CSMD2: variants seen among roughly 807,000 people sequenced by gnomAD.
The protein encoded by CSMD2 is CUB and sushi domain-containing protein 2.
In CSMD2, 130 loss-of-function variants were observed where a neutral mutation model predicts 398.5. The ratio of observed to expected loss-of-function variants is 0.33; its 90% CI spans 0.28 to 0.38. The LOEUF (loss-of-function observed/expected upper bound fraction) is 0.38, where lower values mean the gene tolerates loss of function less well. Among genes scored for constraint, CSMD2 ranks in the 10% least tolerant of loss-of-function variants. CSMD2 has a pLI of 1.00. For missense variants in CSMD2, 3,829 were observed against 4,764.9 expected, an observed-to-expected ratio of 0.80 and a Z score of 5.78; for synonymous variants, 1,828 against 1,908.5, an observed-to-expected ratio of 0.96 and a Z score of 1.10.
intron 2 of CSMD2, among the ~76,000 whole-genome samples, chr1:34,082,753 T>C (rs1657395811): frequency 6.6e-6 from 1 of 152,210 alleles, no homozygotes; most frequent in Non-Finnish European, 1.5e-5. Context: ...GGGATGCTGT[T>C]AATCTATAAC....
intron 5 of CSMD2, among the ~76,000 whole-genome samples, chr1:33,897,486 A>G (rs1283601886): frequency 6.6e-6 from 1 of 152,218 alleles, no homozygotes; most frequent in East Asian, 1.9e-4. Flanking sequence ...TTCCTGGGGT[A>G]AACAAGCTGC....
In CSMD2 at chr1:33,909,327, T is replaced by C. The variant is rs142057755; in HGVS notation, c.920+8767A>G. ...CCTGAGTTCTTCCCCTGTGGCTCCT[T>C]CTCAAAAGTCAGGTCTCAGCTTAAA... On this transcript the variant is annotated intron_variant, in intron 5 of 70. Coordinates refer to ENST00000373381, the MANE Select transcript of CSMD2 (RefSeq NM_001281956.2). 2.7e-4 allele frequency among the ~76,000 whole-genome samples: 41 copies of C among 152,210 alleles called. No individual in the cohort carries two copies. The Middle Eastern group carries it at 0.01, about 38-fold the overall frequency.
Position 33,854,755 on chromosome 1 carries a change from C to T in CSMD2, c.921-7759G>A, listed in dbSNP as rs145222737. Among the ~76,000 whole-genome samples the T allele has an allele frequency of 4.5e-3, 692 of 152,324 alleles. 6 individuals carry two copies. The highest frequency in any genetic ancestry group is 0.016 in the African/African-American group (664 of 41,568). ...TCAGCTAATTGTTAGCTCCAGGGAA[C>T]CCACAGAAACCACATCAGGTAAATG... On this transcript the variant is annotated intron_variant, in intron 5 of 70. Coordinates refer to ENST00000373381, the MANE Select transcript of CSMD2 (RefSeq NM_001281956.2).
chr1:34,018,388 T>A (rs925633259), intron 3 of CSMD2, among the ~76,000 whole-genome samples: 1 of 152,250 alleles, frequency 6.6e-6, no homozygotes, highest in African/African-American at 2.4e-5. Context: ...TCTGTTGAAT[T>A]ATTTCCTTAG....
At chr1:33,989,012 CCATATATATATATATA>C (rs1558209142) in intron 3 of CSMD2, among the ~76,000 whole-genome samples, 1 of 49,052 alleles carries the variant, frequency 2.0e-5, no homozygotes, top group East Asian at 4.4e-4. Flanking sequence ...CTCTCTCTCT[CCATATATATATATATA>C]TATATATATA....
At chr1:33,870,390 T>G (rs1640373851) in intron 5 of CSMD2, 1 of 152,148 alleles carries the variant, frequency 6.6e-6, no homozygotes. Flanking sequence ...GAGATAAAGC[T>G]TGGCCCAGGG....
At position 33,700,656 on chromosome 1, in the gene CSMD2, G is replaced by C. The variant is rs771309837; in HGVS notation, c.3594C>G (p.Asn1198Lys). ...AAACTCCCAGCAAACGGGCGGAGTTGTTGTTGCCATCATAAACCTGGACAC... is the reference window on the plus strand; with the variant it reads ...AAACTCCCAGCAAACGGGCGGAGTTCTTGTTGCCATCATAAACCTGGACAC... ...GDVLKVYDGN[N>K]NSARLLGVFS... is the part of the protein sequence containing the mutation. Residue 1198 changes from asparagine (N) to lysine (K), a missense_variant, in exon 23 of 71, where the codon AAC (asparagine) becomes AAG (lysine). Physicochemically the swap from Asn to Lys is moderately conservative, Grantham distance 94. This residue lies in a region of CSMD2 where 2,001 missense variants were observed against 2,567.1 expected (regional missense o/e 0.78). Transcript: ENST00000373381. The C allele has an allele frequency of 1.2e-6, 2 of 1,614,050 alleles. No homozygotes were observed. Among genetic ancestry groups the C allele is most frequent in the African/African-American group, 1.3e-5 (1 of 74,932 alleles).
In CSMD2 at chr1:34,018,506, C is replaced by T. The variant is rs190223373; in HGVS notation, c.517+14088G>A. Among the ~76,000 whole-genome samples the T allele has an allele frequency of 2.8e-4, 43 of 152,334 alleles. 1 individual carries two copies. Among genetic ancestry groups the T allele is most frequent in the Admixed American group, 2.4e-3 (36 of 15,300 alleles). On this transcript the variant is annotated intron_variant, in intron 3 of 70. Transcript: ENST00000373381. Reference sequence around the variant, plus strand: ...CCAAAGGACTAATTTACATCAGCACCAGCCATGTGCGAGTGTGTCTGTGTC... The same window carrying T: ...CCAAAGGACTAATTTACATCAGCACTAGCCATGTGCGAGTGTGTCTGTGTC...
At chr1:33,800,143 C>A (rs1299075107) in intron 10 of CSMD2, among the ~76,000 whole-genome samples, 1 of 152,196 alleles carries the variant, frequency 6.6e-6, no homozygotes, top group Non-Finnish European at 1.5e-5. Flanking sequence ...CTTGGCCCAC[C>A]CAGCCTCAGT....
At chr1:33,861,715 G>C (rs948891512) in intron 5 of CSMD2, among the ~76,000 whole-genome samples, 1 of 152,186 alleles carries the variant, frequency 6.6e-6, no homozygotes, top group African/African-American at 2.4e-5. Flanking sequence ...CAGAGTGTGG[G>C]AAAGTAGCAG....
intron 17 of CSMD2, 50 bp from the exon 18 acceptor site, chr1:33,724,754 A>T (rs748731282): frequency 1.0e-5 from 16 of 1,554,164 alleles, no homozygotes; most frequent in Non-Finnish European, 1.4e-5. Context: ...GTCACTACAG[A>T]GGGACCCCAG....
intron 50 of CSMD2, 59 bp from the exon 51 acceptor site, chr1:33,571,785 G>GT (rs1219724268): frequency 1.6e-6 from 2 of 1,287,248 alleles, no homozygotes; most frequent in Non-Finnish European, 2.0e-6. Context: ...GGAAGACCTT[G>GT]TAAGAGCCCA....
chr1:33,733,068 G>T (rs1274225568), intron 15 of CSMD2, among the ~76,000 whole-genome samples: 1 of 152,172 alleles, frequency 6.6e-6, no homozygotes, highest in Non-Finnish European at 1.5e-5. Flanking sequence ...TAACCACTCT[G>T]GGTGGACGTG....
chr1:33,985,684 T>C (rs1464892539), intron 3 of CSMD2, among the ~76,000 whole-genome samples: 1 of 152,186 alleles, frequency 6.6e-6, no homozygotes, highest in Non-Finnish European at 1.5e-5. Context: ...TAGGATAATG[T>C]ATGTGAAAGT....
At chr1:33,705,984 G>A (rs1645765151) in intron 22 of CSMD2, among the ~76,000 whole-genome samples, 1 of 146,234 alleles carries the variant, frequency 6.8e-6, no homozygotes, top group Admixed American at 6.8e-5. Flanking sequence ...TTGCTTTTTA[G>A]TTTTGTTTCT....
At chr1:33,876,481 G>A (rs1640849463) in intron 5 of CSMD2, among the ~76,000 whole-genome samples, 1 of 152,176 alleles carries the variant, frequency 6.6e-6, no homozygotes, top group Admixed American at 6.5e-5. Flanking sequence ...AAGAACTTAC[G>A]TACCACTTGG....
At chr1:33,869,682 TCTC>T (rs1640306908) in intron 5 of CSMD2, among the ~76,000 whole-genome samples, 1 of 152,092 alleles carries the variant, frequency 6.6e-6, no homozygotes, top group Non-Finnish European at 1.5e-5. Context: ...ACAGACAAAT[TCTC>T]CTTCTTGTAG....
At chr1:33,884,718 C>A (rs1223000105) in intron 5 of CSMD2, 1 of 152,278 alleles carries the variant, frequency 6.6e-6, no homozygotes, top group Non-Finnish European at 1.5e-5. Context: ...TGTAAACCTT[C>A]CAGCGGTTTC....
At chr1:33,785,267 A>G (rs533836797) in intron 12 of CSMD2, among the ~76,000 whole-genome samples, 2 of 152,220 alleles carry the variant, frequency 1.3e-5, no homozygotes, top group South Asian at 2.1e-4. Context: ...TAACTCCCCA[A>G]CCTCTGGTGA....
Sources: gnomAD v4.1 joint callset for allele counts (sites outside exome capture counted in the v4.1 genomes callset) on GRCh38, gnomAD v4.1.1 for gene constraint, gnomAD v4.1.1 regional missense constraint, MANE v1.5 for transcripts, NCBI Gene and HGNC (gene_info 2026-07-23, HGNC 2026-07-21) for gene names.